SPTLC1: variants seen among roughly 807,000 people sequenced by gnomAD.
SPTLC1 encodes serine palmitoyltransferase long chain base subunit 1.
A neutral mutation model predicts 68.9 loss-of-function variants in SPTLC1; 55 were observed. That is an observed-to-expected ratio of 0.80 (90% CI 0.64 to 1.00). The LOEUF (loss-of-function observed/expected upper bound fraction) is 1.00. Ranked by LOEUF, SPTLC1 falls within the 50% of genes least tolerant of loss-of-function variation. The pLI is 0.00. For missense variants in SPTLC1, 449 were observed against 573.1 expected, an observed-to-expected ratio of 0.78 and a Z score of 2.21; for synonymous variants, 197 against 201.6, an observed-to-expected ratio of 0.98 and a Z score of 0.19.
chr9:92,031,398 G>A lies in SPTLC1; in HGVS notation c.*1067C>T, dbSNP rs770416504. On this transcript the variant is annotated 3_prime_UTR_variant, in exon 15 of 15. Coordinates refer to ENST00000262554, the MANE Select transcript of SPTLC1 (RefSeq NM_006415.4). ...TACCTTTAACAAGAGAAGGAATGAT[G>A]GCATAATATTTATATGCTATATTGT... is the stretch of plus-strand genomic sequence containing the variant. 6.6e-6 allele frequency: 1 copy of A among 152,318 alleles called. No homozygotes were observed. The highest frequency in any genetic ancestry group is 1.5e-5 in the Non-Finnish European group (1 of 67,972). 9.4% of individuals were successfully genotyped at this position (152,318 alleles called of 1,614,324 possible).
chr9:92,090,773 G>A (rs2118740653), intron 3 of SPTLC1, among the ~76,000 whole-genome samples: 1 of 152,040 alleles, frequency 6.6e-6, no homozygotes. Flanking sequence ...TGGAACAAAA[G>A]ACCACTTCTG....
chr9:92,066,568 C>G (rs898920706), intron 6 of SPTLC1, among the ~76,000 whole-genome samples: 1 of 152,220 alleles, frequency 6.6e-6, no homozygotes, highest in East Asian at 1.9e-4. Context: ...GAAAATGGTA[C>G]AAAATCAGCC....
At chr9:92,104,929 C>T in intron 3 of SPTLC1, 2 of 1,534,496 alleles carry the variant, frequency 1.3e-6, no homozygotes, top group Non-Finnish European at 1.7e-6. Context: ...CCAGTTCACA[C>T]AGCCCTGTTG....
At chr9:92,096,006 T>C (rs1835516140) in intron 3 of SPTLC1, among the ~76,000 whole-genome samples, 1 of 152,100 alleles carries the variant, frequency 6.6e-6, no homozygotes, top group South Asian at 2.1e-4. Context: ...AAACTGGAAG[T>C]CCTAAGAATG....
In SPTLC1 at chr9:92,047,711, G is replaced by T; in HGVS notation, c.889-3C>A. 1 of 1,603,258 alleles carries T rather than the reference G, an allele frequency of 6.2e-7. No homozygotes were observed. The highest frequency in any genetic ancestry group is 8.5e-7 in the Non-Finnish European group (1 of 1,171,218). On this transcript the variant is annotated splice_polypyrimidine_tract_variant and splice_region_variant and intron_variant, in intron 9 of 14. Coordinates refer to ENST00000262554, the MANE Select transcript of SPTLC1 (RefSeq NM_006415.4). ...CTGATAAGATCAATATCATCAATCTGCCGGAAAAGGAGGAGTGACAGTTAT... is the reference window on the plus strand; with the variant it reads ...CTGATAAGATCAATATCATCAATCTTCCGGAAAAGGAGGAGTGACAGTTAT...
At chr9:92,046,388 G>T in intron 11 of SPTLC1, 4 of 229,910 alleles carry the variant, frequency 1.7e-5, no homozygotes, top group East Asian at 9.2e-5. Context: ...TAAACAATTT[G>T]GTAAAAAATC....
At chr9:92,075,708 C>T (rs1834659641) in intron 5 of SPTLC1, among the ~76,000 whole-genome samples, 2 of 152,192 alleles carry the variant, frequency 1.3e-5, no homozygotes, top group African/African-American at 4.8e-5. Context: ...GCACTCACAA[C>T]CTCCAAGACT....
chr9:92,083,030 CATG>C (rs1482391757), intron 3 of SPTLC1, among the ~76,000 whole-genome samples: 1 of 152,062 alleles, frequency 6.6e-6, no homozygotes, highest in Non-Finnish European at 1.5e-5. Context: ...TGGCTGCATA[CATG>C]TCTTCTTTTG....
At chr9:92,038,717 C>T (rs1055101829) in intron 12 of SPTLC1, among the ~76,000 whole-genome samples, 1 of 152,222 alleles carries the variant, frequency 6.6e-6, no homozygotes, top group Non-Finnish European at 1.5e-5. Context: ...TTTGTTCTTC[C>T]CTGTGTTGGC....
intron 3 of SPTLC1, among the ~76,000 whole-genome samples, chr9:92,100,686 T>G (rs1279255424): frequency 6.6e-6 from 1 of 151,894 alleles, no homozygotes; most frequent in Non-Finnish European, 1.5e-5. Flanking sequence ...TGTGACTCAG[T>G]AACACAGTCA....
rs1457850546 is a variant in SPTLC1, at chr9:92,067,982, C to T, written c.544G>A (p.Gly182Arg). 1.9e-6 allele frequency: 3 copies of T among 1,614,030 alleles called. No homozygotes were observed. The highest frequency in any genetic ancestry group is 1.7e-6 in the Non-Finnish European group (2 of 1,179,942). ...TTTACTTACACAAAAACAATGTCCCCTCTTTTAGAGTAAGCAGGAATAGCA... is the reference window on the plus strand; with the variant it reads ...TTTACTTACACAAAAACAATGTCCCTTCTTTTAGAGTAAGCAGGAATAGCA... ...ASAIPAYSKR[G>R]DIVFVDRAAC... Residue 182 changes from glycine (G) to arginine (R), a missense_variant, in exon 6 of 15, where the codon GGG (glycine) becomes AGG (arginine). Gly to Arg is a moderately radical substitution (Grantham distance 125). This residue lies in a region of SPTLC1 where 391 missense variants were observed against 472.1 expected (regional missense o/e 0.83). Coordinates refer to ENST00000262554, the MANE Select transcript of SPTLC1 (RefSeq NM_006415.4).
chr9:92,077,564 C>T (rs1834726589), intron 5 of SPTLC1, among the ~76,000 whole-genome samples: 4 of 152,096 alleles, frequency 2.6e-5, no homozygotes, highest in Non-Finnish European at 5.9e-5. Context: ...CCCCACTTCC[C>T]TTAAACTTAC....
intron 6 of SPTLC1, among the ~76,000 whole-genome samples, chr9:92,063,638 T>TA (rs923531021): frequency 1.1e-4 from 17 of 149,418 alleles, no homozygotes; most frequent in East Asian, 3.9e-4. Context: ...TAGCTTTTTA[T>TA]AAAAAAAAAA....
At chr9:92,114,390 T>G (rs1460126582) in intron 1 of SPTLC1, among the ~76,000 whole-genome samples, 2 of 152,210 alleles carry the variant, frequency 1.3e-5, no homozygotes, top group East Asian at 3.8e-4. Flanking sequence ...TTTCTTATTA[T>G]CTTATGTATC....
At chr9:92,079,006 T>G in intron 5 of SPTLC1, 1 of 959,506 alleles carries the variant, frequency 1.0e-6, no homozygotes, top group Non-Finnish European at 1.2e-6. Context: ...TCCCTTGCTC[T>G]ACTTTCCCCA....
chr9:92,108,399 G>A, intron 3 of SPTLC1: 2 of 323,322 alleles, frequency 6.2e-6, no homozygotes, highest in East Asian at 7.8e-5. Flanking sequence ...CTAGAATTAT[G>A]AGGGTAACGT....
At chr9:92,112,391 T>C (rs1836279927) in intron 2 of SPTLC1, 64 bp downstream of exon 2, 1 of 1,187,638 alleles carries the variant, frequency 8.4e-7, no homozygotes, top group Non-Finnish European at 1.3e-6. Context: ...ACAAATCCTT[T>C]CTGGAAAGAC....
At chr9:92,055,224 C>T (rs533616925) in intron 8 of SPTLC1, 181 bp downstream of exon 8, 2 of 985,408 alleles carry the variant, frequency 2.0e-6, no homozygotes, top group East Asian at 1.1e-4. Context: ...GTCTTGATTA[C>T]TCTTTGAAGG....
At chr9:92,063,576 C>T (rs1055522814) in intron 6 of SPTLC1, among the ~76,000 whole-genome samples, 15 of 152,008 alleles carry the variant, frequency 9.9e-5, no homozygotes, top group Non-Finnish European at 8.8e-5. Context: ...AGGACAATCT[C>T]CCTCATGAAC....
Sources: allele counts gnomAD v4.1 joint callset (sites outside exome capture counted in the v4.1 genomes callset), GRCh38; gene constraint gnomAD v4.1.1; regional missense constraint gnomAD v4.1.1; transcripts MANE v1.5; gene names NCBI Gene and HGNC (gene_info 2026-07-23, HGNC 2026-07-21).